Variants in CBLN3 observed in about 807,000 individuals in gnomAD.
CBLN3 encodes cerebellin 3 precursor.
In CBLN3, 14 loss-of-function variants were observed where a neutral mutation model predicts 17.4. The ratio of observed to expected loss-of-function variants is 0.81; its 90% CI spans 0.53 to 1.26. The LOEUF is 1.26. Ranked by LOEUF, CBLN3 falls within the 50% of genes most tolerant of loss-of-function variation. The pLI is 0.00. For missense variants in CBLN3, 263 were observed against 268.5 expected (o/e 0.98, Z 0.14); for synonymous variants, 129 against 117.4 (o/e 1.10, Z -0.64).
In CBLN3 at chr14:24,427,773, T is replaced by G; in HGVS notation, c.*16A>C. 2 of 1,613,432 alleles carry G rather than the reference T, an allele frequency of 1.2e-6. No homozygotes were observed. Among genetic ancestry groups the G allele is most frequent in the Non-Finnish European group, 1.7e-6 (2 of 1,179,456 alleles). ...TTGTCAGGGGCTGGATTCTTGTGCT[T>G]GAAAGACTTGGGTCCTCAGAGAGGG... On this transcript the variant is annotated 3_prime_UTR_variant, in exon 3 of 3. Coordinates refer to ENST00000267406, the MANE Select transcript of CBLN3 (RefSeq NM_001039771.3). This position sits in a 1 kb window ranked among gnomAD's most constrained non-coding sequence, Gnocchi z 4.4.
At position 24,429,598 on chromosome 14, in the gene CBLN3, C is replaced by T. The variant is rs775876330; in HGVS notation, c.-544G>A. Reference sequence around the variant, plus strand: ...ACGGGTACCCTCCGCCTCCCGCCTCCCGCCTACCCCCTCCGCCACGATTGC... The same window carrying T: ...ACGGGTACCCTCCGCCTCCCGCCTCTCGCCTACCCCCTCCGCCACGATTGC... On this transcript the variant is annotated 5_prime_UTR_variant, in exon 1 of 3. Transcript: ENST00000267406. 1.3e-5 allele frequency: 12 copies of T among 894,648 alleles called. No individual in the cohort carries two copies. The highest frequency in any genetic ancestry group is 1.8e-5 in the Non-Finnish European group (12 of 676,814). 55.4% of individuals were successfully genotyped at this position (894,648 alleles called of 1,614,324 possible). A position where few individuals can be genotyped will look rare whatever the true frequency, so the allele number is the denominator to read the frequency against.
Position 24,429,098 on chromosome 14 carries a change from C to A in CBLN3, c.-44G>T, listed in dbSNP as rs1306041542. 3 of 1,459,472 alleles carry A rather than the reference C, an allele frequency of 2.1e-6. No homozygotes were observed. The East Asian group carries it at 7.5e-5, about 36-fold the overall frequency. 90.4% of individuals were successfully genotyped at this position (1,459,472 alleles called of 1,614,324 possible). A position where few individuals can be genotyped will look rare whatever the true frequency, so the allele number is the denominator to read the frequency against. On this transcript the variant is annotated 5_prime_UTR_variant, in exon 1 of 3. Coordinates refer to ENST00000267406, the MANE Select transcript of CBLN3 (RefSeq NM_001039771.3). ...CCCACAAGTGCCCCGGTCTTCTGCCCCTCTTCTGTTTCCGCTCCTCTCCCT... is the reference window on the plus strand; with the variant it reads ...CCCACAAGTGCCCCGGTCTTCTGCCACTCTTCTGTTTCCGCTCCTCTCCCT...
Position 24,428,426 on chromosome 14 carries a change from T to C in CBLN3, c.301-21A>G, listed in dbSNP as rs751771310. On this transcript the variant is annotated intron_variant, in intron 1 of 2. Transcript: ENST00000267406. ...AGGACCTGGGGGAAGCAGAGCCTGC[T>C]GAGTGGGGCTCAGGAAATGCCCATG... 25 of 1,612,898 alleles carry C rather than the reference T, an allele frequency of 1.6e-5. 1 individual carries two copies. In the South Asian group the frequency reaches 2.7e-4, roughly 18 times the overall value.
chr14:24,427,669 G>T lies in CBLN3; in HGVS notation c.*120C>A. 1 of 910,048 alleles carries T rather than the reference G, an allele frequency of 1.1e-6. No homozygotes were observed. 56.4% of individuals were successfully genotyped at this position (910,048 alleles called of 1,614,324 possible). On this transcript the variant is annotated 3_prime_UTR_variant, in exon 3 of 3. Coordinates refer to ENST00000267406, the MANE Select transcript of CBLN3 (RefSeq NM_001039771.3). The surrounding 1 kb of genome is among the most constrained non-coding windows in gnomAD (Gnocchi z 4.4). ...TTGGGTGTTTGGCACAGGGTCCCAT[G>T]CAAAGAGGTGGGATAGGAGCCAGAG...
At position 24,429,327 on chromosome 14, in the gene CBLN3, G is replaced by C. The variant is rs886607860; in HGVS notation, c.-273C>G. 3 of 664,872 alleles carry C rather than the reference G, an allele frequency of 4.5e-6. No homozygotes were observed. Among genetic ancestry groups the C allele is most frequent in the Non-Finnish European group, 8.3e-6 (3 of 363,474 alleles). 41.2% of individuals were successfully genotyped at this position (664,872 alleles called of 1,614,324 possible). ...ATGAAGCCGCCTGCCCACTGGACGG[G>C]AGGGCTGCAGCCAGAGCTTCAGGGC... On this transcript the variant is annotated 5_prime_UTR_variant, in exon 1 of 3. Coordinates refer to ENST00000267406, the MANE Select transcript of CBLN3 (RefSeq NM_001039771.3).
Position 24,429,112 on chromosome 14 carries a change from G to A in CBLN3, c.-58C>T, listed in dbSNP as rs932013420. On this transcript the variant is annotated 5_prime_UTR_variant, in exon 1 of 3. Transcript: ENST00000267406. ...GGTCTTCTGCCCCTCTTCTGTTTCC[G>A]CTCCTCTCCCTGGATTCTCACCGCC... is the stretch of plus-strand genomic sequence containing the variant. The A allele has an allele frequency of 2.1e-6, 3 of 1,446,836 alleles. No individual in the cohort carries two copies. Among genetic ancestry groups the A allele is most frequent in the Non-Finnish European group, 2.7e-6 (3 of 1,092,604 alleles). 89.6% of individuals were successfully genotyped at this position (1,446,836 alleles called of 1,614,324 possible).
chr14:24,427,541 T>C lies in CBLN3; in HGVS notation c.*248A>G, dbSNP rs960087048. On this transcript the variant is annotated 3_prime_UTR_variant, in exon 3 of 3. Coordinates refer to ENST00000267406, the MANE Select transcript of CBLN3 (RefSeq NM_001039771.3). The surrounding 1 kb of genome is among the most constrained non-coding windows in gnomAD (Gnocchi z 4.4). ...CCAAACCTTGCCCTGATCCTAGGGC[T>C]GCAGGCAGGAACAGATGCAGCAGGT... 8.2e-6 allele frequency: 4 copies of C among 490,536 alleles called. No homozygotes were observed. Among genetic ancestry groups the C allele is most frequent in the Non-Finnish European group, 1.4e-5 (4 of 283,714 alleles). 30.4% of individuals were successfully genotyped at this position (490,536 alleles called of 1,614,324 possible). A position where few individuals can be genotyped will look rare whatever the true frequency, so the allele number is the denominator to read the frequency against.
rs577954098 is a variant in CBLN3 at position 24,427,312 on chromosome 14, T to C, written c.*477A>G. 1.7e-4 allele frequency: 31 copies of C among 185,240 alleles called. No homozygotes were observed. Among genetic ancestry groups the C allele is most frequent in the Admixed American group, 3.3e-4 (6 of 18,268 alleles). The allele number at this position is 185,240 out of a possible 1,614,324, so 11.5% of individuals were successfully genotyped here. On this transcript the variant is annotated 3_prime_UTR_variant, in exon 3 of 3. Coordinates refer to ENST00000267406, the MANE Select transcript of CBLN3 (RefSeq NM_001039771.3). The surrounding 1 kb of genome is among the most constrained non-coding windows in gnomAD (Gnocchi z 4.4). ...GCCCATACGGTGCTGGTTCAGCTTCTGACGGTGCTGGCTGAGATCCGTGAT... is the reference window on the plus strand; with the variant it reads ...GCCCATACGGTGCTGGTTCAGCTTCCGACGGTGCTGGCTGAGATCCGTGAT...
Position 24,429,539 on chromosome 14 carries a change from CTTTCCG to C in CBLN3, c.-491_-486del. 2.2e-6 allele frequency: 1 copy of C among 455,788 alleles called. No individual in the cohort carries two copies. The highest frequency in any genetic ancestry group is 1.8e-5 in the South Asian group (1 of 56,868). 28.2% of individuals were successfully genotyped at this position (455,788 alleles called of 1,614,324 possible). A position where few individuals can be genotyped will look rare whatever the true frequency, so the allele number is the denominator to read the frequency against. On this transcript the variant is annotated 5_prime_UTR_variant, in exon 1 of 3. Coordinates refer to ENST00000267406, the MANE Select transcript of CBLN3 (RefSeq NM_001039771.3). The stretch of plus-strand genomic sequence containing the variant: ...AATCAACAGCCCTTCTTCGTGGCAT[CTTTCCG>C]TTTGTTGGAAGAAAGGGGTACTCCA...
In CBLN3 at chr14:24,428,803, T is replaced by G. The variant is rs1436835735; in HGVS notation, c.252A>C (p.Pro84=). 2 of 1,609,984 alleles carry G rather than the reference T, an allele frequency of 1.2e-6. No homozygotes were observed. Among genetic ancestry groups the G allele is most frequent in the South Asian group, 2.2e-5 (2 of 90,822 alleles). The change falls in exon 1 of 3, where the codon CCA becomes CCC. Residue 84 remains proline, a synonymous_variant. Transcript: ENST00000267406. ...TGGTGCCATTGCCGGTTTCCCCTGCTGGCTCATGGTGGTGGCTTCGGACCG... is the reference window on the plus strand; with the variant it reads ...TGGTGCCATTGCCGGTTTCCCCTGCGGGCTCATGGTGGTGGCTTCGGACCG... ...FAAVRSHHHE[P]AGETGNGTSG...
chr14:24,428,122 C>A, intron 2 of CBLN3, 136 bp from the exon 3 acceptor site: 2 of 1,311,844 alleles, frequency 1.5e-6, no homozygotes, highest in Non-Finnish European at 2.1e-6. Flanking sequence ...CAGCATTGGA[C>A]TCTGCACATC....
chr14:24,429,101 C>A lies in CBLN3; in HGVS notation c.-47G>T, dbSNP rs1226957098. 6.9e-7 allele frequency: 1 copy of A among 1,457,532 alleles called. No homozygotes were observed. Among genetic ancestry groups the A allele is most frequent in the Non-Finnish European group, 9.1e-7 (1 of 1,100,934 alleles). 90.3% of individuals were successfully genotyped at this position (1,457,532 alleles called of 1,614,324 possible). ...ACAAGTGCCCCGGTCTTCTGCCCCT[C>A]TTCTGTTTCCGCTCCTCTCCCTGGA... On this transcript the variant is annotated 5_prime_UTR_variant, in exon 1 of 3. The change creates a premature stop within an existing upstream ORF in the 5' untranslated region. Transcript: ENST00000267406.
Position 24,429,416 on chromosome 14 carries a change from G to A in CBLN3, c.-362C>T. ...GGGGGATGGAGAACATGGTATGTGT[G>A]TGTGACGGGTGTGACAGAATGTGTG... is the stretch of plus-strand genomic sequence containing the variant. On this transcript the variant is annotated 5_prime_UTR_variant, in exon 1 of 3. Coordinates refer to ENST00000267406, the MANE Select transcript of CBLN3 (RefSeq NM_001039771.3). The A allele has an allele frequency of 1.8e-6, 1 of 542,358 alleles. No homozygotes were observed. Among genetic ancestry groups the A allele is most frequent in the East Asian group, 4.6e-5 (1 of 21,648 alleles). The allele number at this position is 542,358 out of a possible 1,614,324, so 33.6% of individuals were successfully genotyped here.
intron 2 of CBLN3, 46 bp downstream of exon 2, chr14:24,428,240 C>G: frequency 6.2e-7 from 1 of 1,606,318 alleles, no homozygotes; most frequent in South Asian, 1.1e-5. Context: ...CTTCTTCCCC[C>G]TCCCCACCCT....
Position 24,427,903 on chromosome 14 carries a change from A to G in CBLN3, c.504T>C (p.Ser168=). 1 of 1,614,082 alleles carries G rather than the reference A, an allele frequency of 6.2e-7. No individual in the cohort carries two copies. The highest frequency in any genetic ancestry group is 8.5e-7 in the Non-Finnish European group (1 of 1,179,970). ...PDVTREAATS[S]VLLPLDPGDR... ...CCCCAGGGTCCAAGGGCAGTAGCAC[A>G]GAGCTGGTGGCTGCCTCCCGGGTCA... Residue 168 remains serine (S), a synonymous_variant, in exon 3 of 3, where the codon TCT becomes TCC. Coordinates refer to ENST00000267406, the MANE Select transcript of CBLN3 (RefSeq NM_001039771.3). The surrounding 1 kb of genome is among the most constrained non-coding windows in gnomAD (Gnocchi z 4.4).
intron 1 of CBLN3, 83 bp downstream of exon 1, chr14:24,428,672 A>G (rs2139371187): frequency 1.4e-6 from 2 of 1,446,362 alleles, no homozygotes; most frequent in East Asian, 4.6e-5. Context: ...AAAGCCTCAG[A>G]GACAGCAAAG....
Position 24,428,926 on chromosome 14 carries a change from C to G in CBLN3, c.129G>C (p.Gly43=), listed in dbSNP as rs548072166. The G allele has an allele frequency of 4.4e-5, 68 of 1,560,478 alleles. No homozygotes were observed. The South Asian group carries it at 7.6e-4, about 17-fold the overall frequency. ...QEGSEPVLLE[G]ECLVVCEPGR... is the part of the protein sequence containing the mutation. ...CAGGCTCACAGACCACCAGGCACTC[C>G]CCCTCCAGCAGGACGGGCTCTGACC... The change falls in exon 1 of 3, where the codon GGG becomes GGC. Residue 43 remains glycine (G), a synonymous_variant. Transcript: ENST00000267406.
At position 24,428,715 on chromosome 14, in the gene CBLN3, G is replaced by A. The variant is rs780929171; in HGVS notation, c.300+40C>T. ...GGACAGTTGCTTCCAGGTCCTTGCA[G>A]GGTCTTTCCAGGTCCCCTGGACAGG... On this transcript the variant is annotated intron_variant, in intron 1 of 2. Transcript: ENST00000267406. 3.9e-6 allele frequency: 6 copies of A among 1,532,182 alleles called. 1 individual carries two copies. In the South Asian group the frequency reaches 7.5e-5, roughly 19 times the overall value. The allele number at this position is 1,532,182 out of a possible 1,614,324, so 94.9% of individuals were successfully genotyped here.
Position 24,428,852 on chromosome 14 carries a change from G to A in CBLN3, c.203C>T (p.Pro68Leu), listed in dbSNP as rs1338414576. 1.2e-6 allele frequency: 2 copies of A among 1,611,914 alleles called. No individual in the cohort carries two copies. Among genetic ancestry groups the A allele is most frequent in the South Asian group, 2.2e-5 (2 of 90,834 alleles). The change falls in exon 1 of 3, where the codon CCC becomes CTC. Residue 68 changes from proline (P) to leucine (L), a missense_variant. Pro to Leu is a moderately conservative substitution (Grantham distance 98). Coordinates refer to ENST00000267406, the MANE Select transcript of CBLN3 (RefSeq NM_001039771.3). ...GPGGAALGEA[P>L]PGRVAFAAVR... Reference sequence around the variant, plus strand: ...CGCAGCAAATGCCACTCGCCCAGGGGGTGCCTCTCCCAGGGCTGCTCCCCC... The same window carrying A: ...CGCAGCAAATGCCACTCGCCCAGGGAGTGCCTCTCCCAGGGCTGCTCCCCC...
Sources: allele counts gnomAD v4.1 joint callset, GRCh38; gene constraint gnomAD v4.1.1; non-coding constraint Gnocchi (gnomAD v3.1); transcripts MANE v1.5; gene names NCBI Gene and HGNC (gene_info 2026-07-23, HGNC 2026-07-21).